Variants in RORB observed in about 807,000 individuals in gnomAD.
The protein encoded by RORB is RAR related orphan receptor B.
RORB carries 6 observed loss-of-function variants against 59.1 expected under a neutral mutation model. The ratio of observed to expected loss-of-function variants is 0.10; its 90% CI spans 0.06 to 0.20. RORB has a LOEUF of 0.20. RORB is among the 10% of genes least tolerant of loss of function. The probability of loss-of-function intolerance (pLI) is 1.00; values close to 1 mark genes in which losing one functional copy is unlikely to be tolerated. For missense variants in RORB, 320 were observed against 560.5 expected (o/e 0.57, Z 4.33); for synonymous variants, 215 against 204.5 (o/e 1.05, Z -0.44).
intron 4 of RORB, among the ~76,000 whole-genome samples, chr9:74,650,535 G>A (rs1168686397): frequency 1.3e-5 from 2 of 152,228 alleles, no homozygotes; most frequent in East Asian, 1.9e-4. Context: ...CAAATGTGGG[G>A]AAACCTGTTA....
chr9:74,585,752 TA>T (rs1022575812), intron 1 of RORB, among the ~76,000 whole-genome samples: 3 of 149,330 alleles, frequency 2.0e-5, no homozygotes, highest in Non-Finnish European at 4.5e-5. Flanking sequence ...AGATATTTTT[TA>T]AAAATCTACA....
intron 1 of RORB, among the ~76,000 whole-genome samples, chr9:74,591,587 T>G (rs1822893963): frequency 6.6e-6 from 1 of 152,174 alleles, no homozygotes; most frequent in Non-Finnish European, 1.5e-5. Flanking sequence ...GAGACTAGTC[T>G]GATTATTTAT....
chr9:74,604,955 C>A (rs1483893971), intron 1 of RORB, among the ~76,000 whole-genome samples: 1 of 152,156 alleles, frequency 6.6e-6, no homozygotes, highest in Non-Finnish European at 1.5e-5. Flanking sequence ...GCTACATTCG[C>A]TAAATTGTAT....
In RORB at chr9:74,691,071, T is replaced by C. The variant is rs1167390212; in HGVS notation, c.*5453T>C. The C allele has an allele frequency of 6.6e-6, 1 of 152,276 alleles. No individual in the cohort carries two copies. The highest frequency in any genetic ancestry group is 1.5e-5 in the Non-Finnish European group (1 of 68,070). The allele number at this position is 152,276 out of a possible 1,614,324, so 9.4% of individuals were successfully genotyped here. The stretch of plus-strand genomic sequence containing the variant: ...TGGAAGTGCAGACCATGGATTCCTA[T>C]GCAGCAGATGGGGGTTGTCTGTTTG... On this transcript the variant is annotated 3_prime_UTR_variant, in exon 10 of 10. Coordinates refer to ENST00000376896, the MANE Select transcript of RORB (RefSeq NM_006914.4).
Position 74,554,331 on chromosome 9 carries a change from C to T in RORB, c.7+56348C>T, listed in dbSNP as rs140275100. ...TCTCTGCAATTGCAACCTGAGAAGC[C>T]CAGGTTAGGTCCAATCATCATTGCT... On this transcript the variant is annotated intron_variant, in intron 1 of 9. Transcript: ENST00000376896. Among the ~76,000 whole-genome samples, 285 of 152,222 alleles carry T rather than the reference C, an allele frequency of 1.9e-3. 2 individuals carry two copies. Among genetic ancestry groups the T allele is most frequent in the African/African-American group, 6.7e-3 (277 of 41,538 alleles).
At chr9:74,517,021 T>C (rs1471114201) in intron 1 of RORB, among the ~76,000 whole-genome samples, 3 of 152,024 alleles carry the variant, frequency 2.0e-5, no homozygotes, top group Non-Finnish European at 4.4e-5. Context: ...AGCTAATTAA[T>C]ATTTTATTTT....
intron 1 of RORB, among the ~76,000 whole-genome samples, chr9:74,514,897 C>T (rs1333979810): frequency 1.3e-5 from 2 of 151,228 alleles, no homozygotes; most frequent in Non-Finnish European, 2.9e-5. Flanking sequence ...AATAATTATG[C>T]AACATAATAT....
At chr9:74,502,211 A>C (rs1825812818) in intron 1 of RORB, among the ~76,000 whole-genome samples, 1 of 152,112 alleles carries the variant, frequency 6.6e-6, no homozygotes, top group Non-Finnish European at 1.5e-5. Flanking sequence ...CAAGCCATGA[A>C]ACCTAATTTT....
chr9:74,615,488 A>G (rs1304387059), intron 1 of RORB: 5 of 304,774 alleles, frequency 1.6e-5, no homozygotes, highest in African/African-American at 8.8e-5. Flanking sequence ...ATTTAATCTC[A>G]TTAATGCAGC....
At chr9:74,680,498 C>G (rs1318476294) in intron 9 of RORB, among the ~76,000 whole-genome samples, 2 of 152,098 alleles carry the variant, frequency 1.3e-5, no homozygotes, top group African/African-American at 4.8e-5. Context: ...GTCAAATGTC[C>G]ACTTCCATTT....
rs573282187 is a variant in RORB at position 74,682,275 on chromosome 9, G to A, written c.1225-3188G>A. ...TTCCTGTGTCCATGTGTTCACCGGG[G>A]CCTGTTGTGGGGTGGGGGGAGGGGG... On this transcript the variant is annotated intron_variant, in intron 9 of 9. Coordinates refer to ENST00000376896, the MANE Select transcript of RORB (RefSeq NM_006914.4). Among the ~76,000 whole-genome samples the A allele has an allele frequency of 6.3e-5, 8 of 126,740 alleles. No homozygotes were observed. In the East Asian group the frequency reaches 2.0e-3, roughly 31 times the overall value. 83.1% of individuals were successfully genotyped at this position (126,740 alleles called of 152,430 possible). A position where few individuals can be genotyped will look rare whatever the true frequency, so the allele number is the denominator to read the frequency against.
chr9:74,545,954 A>G lies in RORB; in HGVS notation c.7+47971A>G, dbSNP rs148522102. ...TCTAACAAAATGCAAAGGCGTAAAA[A>G]TAAAAGGAATCTAACTGGCAATAGA... is the stretch of plus-strand genomic sequence containing the variant. On this transcript the variant is annotated intron_variant, in intron 1 of 9. Transcript: ENST00000376896. Among the ~76,000 whole-genome samples the G allele has an allele frequency of 6.2e-3, 939 of 152,352 alleles. 3 individuals carry two copies. Among genetic ancestry groups the G allele is most frequent in the Non-Finnish European group, 0.01 (687 of 68,036 alleles).
intron 1 of RORB, among the ~76,000 whole-genome samples, chr9:74,517,167 C>T (rs1457169594): frequency 6.6e-6 from 1 of 151,996 alleles, no homozygotes; most frequent in African/African-American, 2.4e-5. Context: ...TTCAAATACA[C>T]ACCTGCAAAA....
At chr9:74,672,027 A>G (rs1824354900) in intron 9 of RORB, 126 bp downstream of exon 9, 1 of 569,710 alleles carries the variant, frequency 1.8e-6, no homozygotes, top group South Asian at 2.4e-5. Flanking sequence ...GACTGCATAA[A>G]TTGTGAGGTA....
chr9:74,501,667 T>C (rs1587328582), intron 1 of RORB, among the ~76,000 whole-genome samples: 1 of 152,336 alleles, frequency 6.6e-6, no homozygotes, highest in Admixed American at 6.5e-5. Context: ...AATATTTTCT[T>C]AAATGGTTAC....
At chr9:74,577,439 G>C (rs1297080825) in intron 1 of RORB, among the ~76,000 whole-genome samples, 1 of 152,016 alleles carries the variant, frequency 6.6e-6, no homozygotes, top group Non-Finnish European at 1.5e-5. Flanking sequence ...TTGCTCTAGG[G>C]AGCACTGTCA....
At position 74,593,521 on chromosome 9, in the gene RORB, G is replaced by T. The variant is rs555828630; in HGVS notation, c.8-36761G>T. Among the ~76,000 whole-genome samples the T allele has an allele frequency of 4.4e-4, 67 of 150,806 alleles. 1 individual carries two copies. Among genetic ancestry groups the T allele is most frequent in the Admixed American group, 3.9e-3 (59 of 15,130 alleles). ...GAAGAACTTCTAAATAACCAAAATA[G>T]GTAGCAAAGTTCATTCCTAAAGCTT... On this transcript the variant is annotated intron_variant, in intron 1 of 9. Transcript: ENST00000376896.
At chr9:74,681,813 A>C (rs1351923391) in intron 9 of RORB, among the ~76,000 whole-genome samples, 3 of 152,226 alleles carry the variant, frequency 2.0e-5, no homozygotes, top group African/African-American at 7.2e-5. Flanking sequence ...TGCTTCAAGA[A>C]TTGTTGTACA....
intron 1 of RORB, among the ~76,000 whole-genome samples, chr9:74,576,919 T>C (rs1311460095): frequency 6.6e-6 from 1 of 152,092 alleles, no homozygotes; most frequent in Non-Finnish European, 1.5e-5. Context: ...TTCATTTGTC[T>C]ACAGTCACAC....
Sources: allele counts gnomAD v4.1 joint callset (sites outside exome capture counted in the v4.1 genomes callset), GRCh38; gene constraint gnomAD v4.1.1; transcripts MANE v1.5; gene names NCBI Gene and HGNC (gene_info 2026-07-23, HGNC 2026-07-21).